The following RBFOX1 variants were observed in gnomAD, a reference collection of about 807,000 sequenced individuals.
RBFOX1 encodes the protein RNA binding protein fox-1 homolog 1.
Under a neutral mutation model 57.7 loss-of-function variants are expected in RBFOX1, and 8 were observed. That is an observed-to-expected ratio of 0.14 (90% CI 0.08 to 0.25). The LOEUF is 0.25. Among genes scored for constraint, RBFOX1 ranks in the 10% least tolerant of loss-of-function variants. The pLI is 1.00. For synonymous variants in RBFOX1, 326 were observed against 222.4 expected, an observed-to-expected ratio of 1.47 and a Z score of -4.15; for missense variants, 611 against 548.5, an observed-to-expected ratio of 1.11 and a Z score of -1.14.
At chr16:6,868,107 A>T (rs1455165808) in intron 3 of RBFOX1, among the ~76,000 whole-genome samples, 1 of 152,182 alleles carries the variant, frequency 6.6e-6, no homozygotes, top group Non-Finnish European at 1.5e-5. Flanking sequence ...ATTTTGATCA[A>T]AGTACCTGAT....
intron 2 of RBFOX1, among the ~76,000 whole-genome samples, chr16:6,586,816 A>G (rs1548859): frequency 0.1 from 15,943 of 152,182 alleles, 1,188 homozygotes; most frequent in East Asian, 0.38. Context: ...TTTTAACTGC[A>G]CTATCACCAC....
At chr16:6,457,440 C>CCCA (rs1555484725) in intron 2 of RBFOX1, among the ~76,000 whole-genome samples, 1 of 64,050 alleles carries the variant, frequency 1.6e-5, no homozygotes, top group Non-Finnish European at 3.2e-5. Flanking sequence ...TCCGGAAGTC[C>CCCA]CCCCCCCCGC....
intron 4 of RBFOX1, among the ~76,000 whole-genome samples, chr16:7,150,366 C>T (rs936180095): frequency 1.3e-5 from 2 of 152,056 alleles, no homozygotes; most frequent in African/African-American, 4.8e-5. Flanking sequence ...ACGTTAATGC[C>T]CTATGATTTG....
At chr16:7,371,682 G>A (rs535599137) in intron 4 of RBFOX1, among the ~76,000 whole-genome samples, 3 of 152,254 alleles carry the variant, frequency 2.0e-5, no homozygotes, top group Admixed American at 1.3e-4. Flanking sequence ...CCCATGGGGC[G>A]GAGGTTGCAG....
chr16:6,914,180 C>T (rs13337504), intron 3 of RBFOX1, among the ~76,000 whole-genome samples: 3,660 of 152,272 alleles, frequency 0.024, 148 homozygotes, highest in African/African-American at 0.083. Flanking sequence ...CAGACCAGAT[C>T]ATCATTTCCT....
intron 4 of RBFOX1, among the ~76,000 whole-genome samples, chr16:7,280,795 C>T (rs969203541): frequency 7.9e-5 from 12 of 152,246 alleles, no homozygotes; most frequent in Non-Finnish European, 1.5e-4. Flanking sequence ...AACACCCTTT[C>T]CTCTGGGAGT....
At chr16:5,721,456 T>C (rs2051931134) in intron 3 of RBFOX1, among the ~76,000 whole-genome samples, 1 of 152,190 alleles carries the variant, frequency 6.6e-6, no homozygotes, top group South Asian at 2.1e-4. Flanking sequence ...GATGCCTTTT[T>C]TTCTTGTTCT....
At chr16:6,734,610 T>C (rs948725171) in intron 3 of RBFOX1, among the ~76,000 whole-genome samples, 1 of 152,188 alleles carries the variant, frequency 6.6e-6, no homozygotes, top group Non-Finnish European at 1.5e-5. Flanking sequence ...TCAGTGGGAC[T>C]AGGTCTCTAT....
chr16:7,676,221 C>T (rs1488571018), intron 13 of RBFOX1, among the ~76,000 whole-genome samples: 1 of 152,138 alleles, frequency 6.6e-6, no homozygotes, highest in Non-Finnish European at 1.5e-5. Flanking sequence ...AATTGTGTAA[C>T]ATTTAGACAG....
At chr16:6,259,330 C>T (rs1051512753) in intron 1 of RBFOX1, among the ~76,000 whole-genome samples, 8 of 152,080 alleles carry the variant, frequency 5.3e-5, no homozygotes, top group Admixed American at 1.3e-4. Context: ...CCTCTCTAGC[C>T]GTTAGGCAGA....
chr16:6,951,767 T>C (rs149230058), intron 3 of RBFOX1, among the ~76,000 whole-genome samples: 2,767 of 152,256 alleles, frequency 0.018, 104 homozygotes, highest in African/African-American at 0.063. Flanking sequence ...GGAGTCTCGC[T>C]CTTTCGCCCA....
intron 4 of RBFOX1, among the ~76,000 whole-genome samples, chr16:7,388,413 A>C (rs1272354361): frequency 1.3e-5 from 2 of 152,188 alleles, no homozygotes; most frequent in Non-Finnish European, 2.9e-5. Flanking sequence ...AAATCTGTAG[A>C]GTGAAGTGTG....
intron 4 of RBFOX1, among the ~76,000 whole-genome samples, chr16:7,320,598 A>G (rs1040002491): frequency 1.3e-5 from 2 of 152,246 alleles, no homozygotes; most frequent in Non-Finnish European, 2.9e-5. Context: ...AGCTACCCAA[A>G]TCAAACTTGC....
chr16:5,401,477 GC>G (rs1159982835), intron 1 of RBFOX1, among the ~76,000 whole-genome samples: 2 of 152,200 alleles, frequency 1.3e-5, no homozygotes, highest in Admixed American at 6.5e-5. Flanking sequence ...TTGTGATGGG[GC>G]CCCTCCTCCT....
chr16:7,506,886 C>T (rs375524856), intron 4 of RBFOX1, among the ~76,000 whole-genome samples: 1 of 152,274 alleles, frequency 6.6e-6, no homozygotes, highest in East Asian at 1.9e-4. Context: ...CTGGGTTCTC[C>T]AGAGGAAGAA....
intron 4 of RBFOX1, among the ~76,000 whole-genome samples, chr16:7,294,941 G>A (rs1201748608): frequency 6.6e-6 from 1 of 152,068 alleles, no homozygotes; most frequent in African/African-American, 2.4e-5. Flanking sequence ...TACTTCTTGT[G>A]CCCTCAGTTT....
chr16:6,982,533 C>T (rs922495953), intron 3 of RBFOX1, among the ~76,000 whole-genome samples: 4 of 152,186 alleles, frequency 2.6e-5, no homozygotes, highest in African/African-American at 7.2e-5. Context: ...GCCCTCTGTT[C>T]ATCATCCTTT....
At chr16:6,188,592 A>C (rs371545952) in intron 1 of RBFOX1, among the ~76,000 whole-genome samples, 1 of 152,112 alleles carries the variant, frequency 6.6e-6, no homozygotes, top group Admixed American at 6.6e-5. Flanking sequence ...TTCTGCTTAC[A>C]TTTTCTGCTA....
chr16:7,575,604 C>A (rs191197727), intron 5 of RBFOX1, among the ~76,000 whole-genome samples: 1 of 152,252 alleles, frequency 6.6e-6, no homozygotes, highest in African/African-American at 2.4e-5. Context: ...CTCCCTAGAG[C>A]CTCTAGAGGA....
Sources: allele counts gnomAD v4.1 joint callset (sites outside exome capture counted in the v4.1 genomes callset), GRCh38; gene constraint gnomAD v4.1.1; transcripts MANE v1.5; gene names NCBI Gene and HGNC (gene_info 2026-07-23, HGNC 2026-07-21).